The following ATP4A variants were observed in gnomAD, a reference collection of about 807,000 sequenced individuals.
The protein encoded by ATP4A is ATPase H+/K+ transporting subunit alpha.
Under a neutral mutation model 112.1 loss-of-function variants are expected in ATP4A, and 73 were observed. The observed-to-expected ratio is 0.65, with a 90% CI of 0.54 to 0.79. The LOEUF is 0.79. Among genes scored for constraint, ATP4A ranks in the 30% least tolerant of loss-of-function variants. The pLI is 0.00. For missense variants in ATP4A, 1,081 were observed against 1,425.9 expected (o/e 0.76, Z 3.90); for synonymous variants, 588 against 588.9 (o/e 1.00, Z 0.02).
Position 35,557,748 on chromosome 19 carries a change from T to C in ATP4A, c.1600A>G (p.Ile534Val). Residue 534 changes from isoleucine to valine, a missense_variant, in exon 11 of 22, where the codon ATC becomes GTC. Ile to Val is a conservative substitution (Grantham distance 29, BLOSUM62 3). Coordinates refer to ENST00000262623, the MANE Select transcript of ATP4A (RefSeq NM_000704.3). The surrounding 1 kb of genome is among the most constrained non-coding windows in gnomAD (Gnocchi z 4.4). ...TCCAGCGGCAGCTCCTGGCCCTTGA[T>C]AAGGATGGAGCTGCAGCGCTCCAGC... ...RVLERCSSILIKGQELPLDEQ... is the reference protein window; with the variant it reads ...RVLERCSSILVKGQELPLDEQ... 1 of 1,605,534 alleles carries C rather than the reference T, an allele frequency of 6.2e-7. No homozygotes were observed. The highest frequency in any genetic ancestry group is 8.5e-7 in the Non-Finnish European group (1 of 1,175,432).
intron 16 of ATP4A, 53 bp from the exon 17 acceptor site, chr19:35,553,882 C>T: frequency 6.5e-7 from 1 of 1,531,010 alleles, no homozygotes. Context: ...GCCCTTGTCC[C>T]CTCCACTTCG....
In ATP4A at chr19:35,550,802, C is replaced by T. The variant is rs1303979254; in HGVS notation, c.3079+32G>A. On this transcript the variant is annotated intron_variant, in intron 21 of 21. Coordinates refer to ENST00000262623, the MANE Select transcript of ATP4A (RefSeq NM_000704.3). This position sits in a 1 kb window ranked among gnomAD's most constrained non-coding sequence, Gnocchi z 4.1. ...TGCAGCTGCTCAAACGTTTCAGTCC[C>T]CTGCCCCCAGGCTCCCAGTCTCCAC... 3.7e-6 allele frequency: 6 copies of T among 1,613,366 alleles called. No individual in the cohort carries two copies. Among genetic ancestry groups the T allele is most frequent in the Non-Finnish European group, 5.1e-6 (6 of 1,179,458 alleles).
At position 35,558,562 on chromosome 19, in the gene ATP4A, C is replaced by T. The variant is rs763475568; in HGVS notation, c.1365+15G>A. ...CCAGCCTCCCGGGATTCCCTGGAGGCCCCCTGGCTCTCACCTTGGGCACAG... is the reference window on the plus strand; with the variant it reads ...CCAGCCTCCCGGGATTCCCTGGAGGTCCCCTGGCTCTCACCTTGGGCACAG... On this transcript the variant is annotated intron_variant, in intron 9 of 21. Coordinates refer to ENST00000262623, the MANE Select transcript of ATP4A (RefSeq NM_000704.3). The surrounding 1 kb of genome is among the most constrained non-coding windows in gnomAD (Gnocchi z 5.1). 10 of 1,595,912 alleles carry T rather than the reference C, an allele frequency of 6.3e-6. No homozygotes were observed. The highest frequency in any genetic ancestry group is 6.0e-6 in the Non-Finnish European group (7 of 1,172,032).
chr19:35,561,598 C>T (rs1171600720), intron 4 of ATP4A, among the ~76,000 whole-genome samples: 1 of 152,072 alleles, frequency 6.6e-6, no homozygotes, highest in Admixed American at 6.5e-5. Context: ...TCCCATGTCA[C>T]ATGTCCCTGA....
intron 18 of ATP4A, among the ~76,000 whole-genome samples, chr19:35,552,273 C>A (rs1365690623): frequency 6.6e-6 from 1 of 152,190 alleles, no homozygotes; most frequent in African/African-American, 2.4e-5. Flanking sequence ...CCGAGTGTTG[C>A]ACGTGCATTA....
chr19:35,559,221 G>T lies in ATP4A; in HGVS notation c.1057-30C>A. The T allele has an allele frequency of 6.2e-7, 1 of 1,610,472 alleles. No homozygotes were observed. The highest frequency in any genetic ancestry group is 8.5e-7 in the Non-Finnish European group (1 of 1,178,356). On this transcript the variant is annotated intron_variant, in intron 7 of 21. Transcript: ENST00000262623. This position sits in a 1 kb window ranked among gnomAD's most constrained non-coding sequence, Gnocchi z 4.1. ...GGAAGGGGTGAGCACCGCAGGCTGG[G>T]GACCCACCCTGGCTTCCAGTCCTCT...
intron 17 of ATP4A, 105 bp from the exon 18 acceptor site, chr19:35,553,287 A>G: frequency 7.5e-7 from 1 of 1,336,594 alleles, no homozygotes; most frequent in South Asian, 1.4e-5. Context: ...ACAAAGGTCA[A>G]GGACACACAG....
chr19:35,551,569 C>T lies in ATP4A; in HGVS notation c.2763G>A (p.Gln921=). ...DSYGQEWTFG[Q]RLYQQYTCYT... is the part of the protein sequence containing the mutation. ...AGCAGGTGTACTGCTGGTACAGGCG[C>T]TGCCCGAATGTCTGCAGGCCAGGGG... The change falls in exon 19 of 22, where the codon CAG becomes CAA. Residue 921 remains glutamine (Q), a synonymous_variant. Coordinates refer to ENST00000262623, the MANE Select transcript of ATP4A (RefSeq NM_000704.3). This position sits in a 1 kb window ranked among gnomAD's most constrained non-coding sequence, Gnocchi z 5.2. 6.2e-7 allele frequency: 1 copy of T among 1,612,848 alleles called. No individual in the cohort carries two copies. Among genetic ancestry groups the T allele is most frequent in the Non-Finnish European group, 8.5e-7 (1 of 1,179,448 alleles).
At position 35,553,757 on chromosome 19, in the gene ATP4A, G is replaced by A. The variant is rs768098415; in HGVS notation, c.2554C>T (p.Arg852Cys). 5.0e-6 allele frequency: 8 copies of A among 1,612,780 alleles called. No individual in the cohort carries two copies. Among genetic ancestry groups the A allele is most frequent in the South Asian group, 2.2e-5 (2 of 90,770 alleles). ...AGGGGCTCGTTGACCAATCTGTCAC[G>A]CTTTGGGTTGCGTGGACGCAGGTGC... ...IMHLRPRNPK[R>C]DRLVNEPLAA... The change falls in exon 17 of 22, where the codon CGT becomes TGT. Residue 852 changes from arginine (R) to cysteine (C), a missense_variant. Around this residue, in one of 3 missense-constraint regions of ATP4A, gnomAD observed 219 missense variants for 320.9 expected, o/e 0.68. Transcript: ENST00000262623.
chr19:35,551,135 G>A lies in ATP4A; in HGVS notation c.2886-24C>T, dbSNP rs2071599497. 6.3e-7 allele frequency: 1 copy of A among 1,584,888 alleles called. No homozygotes were observed. Among genetic ancestry groups the A allele is most frequent in the African/African-American group, 1.3e-5 (1 of 74,132 alleles). On this transcript the variant is annotated intron_variant, in intron 19 of 21. Coordinates refer to ENST00000262623, the MANE Select transcript of ATP4A (RefSeq NM_000704.3). The surrounding 1 kb of genome is among the most constrained non-coding windows in gnomAD (Gnocchi z 5.2). ...TCCTGGGGGTGGGCAGAATGGGACAGGCCATTAGGAATTGGGGACGTGATG... is the reference window on the plus strand; with the variant it reads ...TCCTGGGGGTGGGCAGAATGGGACAAGCCATTAGGAATTGGGGACGTGATG...
In ATP4A at chr19:35,550,897, AG is replaced by A; in HGVS notation, c.3015del (p.Tyr1006ThrfsTer61). The A allele has an allele frequency of 4.3e-6, 7 of 1,614,184 alleles. No individual in the cohort carries two copies. The highest frequency in any genetic ancestry group is 5.9e-6 in the Non-Finnish European group (7 of 1,180,024). ...IRFQWWLVPL[P>X]YGILIFVYDE... ...TCATAGACGAAGATGAGGATGCCGTAGGGCAGGGGGACCAGCCACCACTGGA... is the reference window on the plus strand; with the variant it reads ...TCATAGACGAAGATGAGGATGCCGTAGGCAGGGGGACCAGCCACCACTGGA... On this transcript the variant is annotated frameshift_variant, in exon 21 of 22. Coordinates refer to ENST00000262623, the MANE Select transcript of ATP4A (RefSeq NM_000704.3). LOFTEE classifies it high-confidence loss of function. This position sits in a 1 kb window ranked among gnomAD's most constrained non-coding sequence, Gnocchi z 4.1.
rs1449678031 is a variant in ATP4A at position 35,558,522 on chromosome 19, G to A, written c.1366-26C>T. 6.9e-6 allele frequency: 11 copies of A among 1,588,834 alleles called. No individual in the cohort carries two copies. Among genetic ancestry groups the A allele is most frequent in the Non-Finnish European group, 9.4e-6 (11 of 1,168,538 alleles). ...CTGGGAGCGGGGACCGGTGTCAGGG[G>A]CGAAGCCGGCTACACCAGCCTCCCG... On this transcript the variant is annotated intron_variant, in intron 9 of 21. Coordinates refer to ENST00000262623, the MANE Select transcript of ATP4A (RefSeq NM_000704.3). This position sits in a 1 kb window ranked among gnomAD's most constrained non-coding sequence, Gnocchi z 5.1.
At position 35,551,362 on chromosome 19, in the gene ATP4A, T is replaced by G. The variant is rs2071600816; in HGVS notation, c.2885+85A>C. ...TCTGGCACTGGCACCCGCTGGCATT[T>G]GCCGGCTGTTCTAAACCACAGTCAG... On this transcript the variant is annotated intron_variant, in intron 19 of 21. Coordinates refer to ENST00000262623, the MANE Select transcript of ATP4A (RefSeq NM_000704.3). The surrounding 1 kb of genome is among the most constrained non-coding windows in gnomAD (Gnocchi z 5.2). 6 of 1,597,358 alleles carry G rather than the reference T, an allele frequency of 3.8e-6. No individual in the cohort carries two copies. The highest frequency in any genetic ancestry group is 5.1e-6 in the Non-Finnish European group (6 of 1,169,808).
Position 35,550,680 on chromosome 19 carries a change from G to C in ATP4A, c.3080-37C>G, listed in dbSNP as rs777274653. On this transcript the variant is annotated intron_variant, in intron 21 of 21. Coordinates refer to ENST00000262623, the MANE Select transcript of ATP4A (RefSeq NM_000704.3). The surrounding 1 kb of genome is among the most constrained non-coding windows in gnomAD (Gnocchi z 4.1). ...AGGGAGAAAGGAGACTCAGTGCTGG[G>C]GGTGCCACTTAGGCAGGGCCAGGGG... The C allele has an allele frequency of 8.7e-6, 14 of 1,613,564 alleles. No homozygotes were observed. The East Asian group carries it at 3.1e-4, about 36-fold the overall frequency.
At chr19:35,563,589 T>C (rs2146313612) in intron 1 of ATP4A, 29 bp downstream of exon 1, 5 of 1,613,914 alleles carry the variant, frequency 3.1e-6, no homozygotes, top group Non-Finnish European at 4.2e-6. Context: ...CTGTCCCCAC[T>C]GCACCCCGGA....
Position 35,560,669 on chromosome 19 carries a change from C to T in ATP4A, c.535-54G>A. 6.3e-7 allele frequency: 1 copy of T among 1,587,852 alleles called. No individual in the cohort carries two copies. The highest frequency in any genetic ancestry group is 8.6e-7 in the Non-Finnish European group (1 of 1,163,620). ...TGGACGGGGGTGGGGGTGGGAGCTG[C>T]TGCATGTGGGGAGGTAAAGGATGAG... On this transcript the variant is annotated intron_variant, in intron 5 of 21. Coordinates refer to ENST00000262623, the MANE Select transcript of ATP4A (RefSeq NM_000704.3). This position sits in a 1 kb window ranked among gnomAD's most constrained non-coding sequence, Gnocchi z 5.1.
At position 35,551,560 on chromosome 19, in the gene ATP4A, G is replaced by A; in HGVS notation, c.2772C>T (p.Tyr924=). ...ACACGGTGTAGCAGGTGTACTGCTG[G>A]TACAGGCGCTGCCCGAATGTCTGCA... ...GQEWTFGQRL[Y]QQYTCYTVFF... Residue 924 remains tyrosine, a synonymous_variant, in exon 19 of 22, where the codon TAC becomes TAT. Coordinates refer to ENST00000262623, the MANE Select transcript of ATP4A (RefSeq NM_000704.3). The surrounding 1 kb of genome is among the most constrained non-coding windows in gnomAD (Gnocchi z 5.2). The A allele has an allele frequency of 6.2e-7, 1 of 1,613,284 alleles. No individual in the cohort carries two copies. The highest frequency in any genetic ancestry group is 8.5e-7 in the Non-Finnish European group (1 of 1,179,660).
intron 18 of ATP4A, among the ~76,000 whole-genome samples, chr19:35,552,089 C>T (rs1480557495): frequency 3.3e-5 from 5 of 152,148 alleles, no homozygotes; most frequent in African/African-American, 4.8e-5. Flanking sequence ...CTCTGTCACC[C>T]AGGCTGGAGT....
rs2071660287 is a variant in ATP4A at position 35,560,212 on chromosome 19, G to A, written c.788-139C>T. 1 of 1,521,384 alleles carries A rather than the reference G, an allele frequency of 6.6e-7. No homozygotes were observed. Among genetic ancestry groups the A allele is most frequent in the Non-Finnish European group, 8.9e-7 (1 of 1,123,008 alleles). The allele number at this position is 1,521,384 out of a possible 1,614,324, so 94.2% of individuals were successfully genotyped here. On this transcript the variant is annotated intron_variant, in intron 6 of 21. Coordinates refer to ENST00000262623, the MANE Select transcript of ATP4A (RefSeq NM_000704.3). This position sits in a 1 kb window ranked among gnomAD's most constrained non-coding sequence, Gnocchi z 5.1. ...GGTAGTGACAGTGGGAGACAGAGAA[G>A]CAGTGTGCCCTGGGGAGGTGGCAGT...
Sources: allele counts gnomAD v4.1 joint callset (sites outside exome capture counted in the v4.1 genomes callset), GRCh38; gene constraint gnomAD v4.1.1; regional missense constraint gnomAD v4.1.1; non-coding constraint Gnocchi (gnomAD v3.1); transcripts MANE v1.5; gene names NCBI Gene and HGNC (gene_info 2026-07-23, HGNC 2026-07-21).